The following PRKACB variants were observed in gnomAD, a reference collection of about 807,000 sequenced individuals.
PRKACB encodes the protein cAMP-dependent protein kinase catalytic subunit beta.
A neutral mutation model predicts 51.4 loss-of-function variants in PRKACB; 16 were observed. The observed-to-expected ratio is 0.31, with a 90% confidence interval of 0.21 to 0.47. PRKACB has a LOEUF of 0.47. PRKACB is among the 20% of genes least tolerant of loss of function. PRKACB has a pLI of 1.00. For missense variants in PRKACB, 309 were observed against 464.5 expected, an observed-to-expected ratio of 0.67 and a Z score of 3.08; for synonymous variants, 147 against 154.4, an observed-to-expected ratio of 0.95 and a Z score of 0.35.
intron 1 of PRKACB, among the ~76,000 whole-genome samples, chr1:84,173,795 A>T (rs1057131130): frequency 2.0e-5 from 3 of 151,912 alleles, no homozygotes; most frequent in African/African-American, 7.2e-5. Context: ...ATGAATTATT[A>T]TCTTTTCAGT....
chr1:84,191,575 G>A (rs1666801590), intron 5 of PRKACB, among the ~76,000 whole-genome samples: 1 of 152,068 alleles, frequency 6.6e-6, no homozygotes, highest in Non-Finnish European at 1.5e-5. Context: ...ATTAACACAG[G>A]AACAAAAATC....
At chr1:84,178,439 C>T (rs1435219504) in intron 1 of PRKACB, among the ~76,000 whole-genome samples, 1 of 151,916 alleles carries the variant, frequency 6.6e-6, no homozygotes, top group Admixed American at 6.6e-5. Context: ...AAACTTCAAA[C>T]CATAGCTCTA....
At chr1:84,179,140 T>TTA in intron 1 of PRKACB, 37 bp from the exon 2 acceptor site, 1 of 1,536,362 alleles carries the variant, frequency 6.5e-7, no homozygotes, top group Non-Finnish European at 8.8e-7. Flanking sequence ...ATAAATATTC[T>TTA]TACAAGATAA....
chr1:84,200,588 G>C (rs548766451), intron 7 of PRKACB, among the ~76,000 whole-genome samples: 148 of 152,032 alleles, frequency 9.7e-4, no homozygotes, highest in African/African-American at 3.5e-3. Context: ...CATTGCCTAG[G>C]TTGTCTTTCA....
chr1:84,177,581 AAAGT>A (rs949461572), intron 1 of PRKACB, among the ~76,000 whole-genome samples: 5 of 151,932 alleles, frequency 3.3e-5, no homozygotes, highest in African/African-American at 1.2e-4. Flanking sequence ...ATCTCTACAA[AAAGT>A]AAGAAAATTA....
At chr1:84,186,689 T>C (rs1363920390) in intron 5 of PRKACB, among the ~76,000 whole-genome samples, 1 of 152,180 alleles carries the variant, frequency 6.6e-6, no homozygotes, top group Non-Finnish European at 1.5e-5. Context: ...ATCTTGAAGT[T>C]AGGCTTAATT....
chr1:84,114,493 G>A (rs755717207), intron 1 of PRKACB, among the ~76,000 whole-genome samples: 14 of 151,946 alleles, frequency 9.2e-5, no homozygotes, highest in Non-Finnish European at 1.5e-4. Context: ...AATGTATGGT[G>A]TAACATGAAT....
At chr1:84,176,559 TA>T (rs1218034374) in intron 1 of PRKACB, among the ~76,000 whole-genome samples, 4 of 151,792 alleles carry the variant, frequency 2.6e-5, no homozygotes, top group Non-Finnish European at 5.9e-5. Flanking sequence ...ATCTACATAG[TA>T]CACATAAAAA....
chr1:84,159,380 A>T (rs889284449), intron 1 of PRKACB, among the ~76,000 whole-genome samples: 1 of 152,074 alleles, frequency 6.6e-6, no homozygotes, highest in East Asian at 1.9e-4. Context: ...TTGTGAATGG[A>T]TAAGTCTTAA....
chr1:84,178,449 A>G (rs577423514), intron 1 of PRKACB, among the ~76,000 whole-genome samples: 1 of 152,174 alleles, frequency 6.6e-6, no homozygotes, highest in Non-Finnish European at 1.5e-5. Context: ...CCATAGCTCT[A>G]TAAAATAATG....
intron 1 of PRKACB, among the ~76,000 whole-genome samples, chr1:84,159,015 C>T (rs370589153): frequency 6.2e-4 from 95 of 152,252 alleles, no homozygotes; most frequent in African/African-American, 2.1e-3. Context: ...CATTCCTATA[C>T]TACACTGTCT....
intron 1 of PRKACB, among the ~76,000 whole-genome samples, chr1:84,098,629 A>G (rs1302756083): frequency 6.6e-6 from 1 of 152,124 alleles, no homozygotes; most frequent in Non-Finnish European, 1.5e-5. Flanking sequence ...TGATTGCCAG[A>G]TAACAGTAAA....
At chr1:84,107,012 CA>C (rs931695918) in intron 1 of PRKACB, among the ~76,000 whole-genome samples, 6 of 151,814 alleles carry the variant, frequency 4.0e-5, no homozygotes, top group Non-Finnish European at 7.4e-5. Context: ...AATGAACAAA[CA>C]AAAAAACCAA....
chr1:84,180,195 TATATATATATATATGTATGATGGAG>T (rs1662875563), intron 2 of PRKACB, among the ~76,000 whole-genome samples: 1 of 111,232 alleles, frequency 9.0e-6, no homozygotes, highest in Admixed American at 9.3e-5. Context: ...TATATATATA[TATATATATATATATGTATGATGGAG>T]TACTATGCAG....
chr1:84,126,718 C>T (rs1651649137), intron 1 of PRKACB, among the ~76,000 whole-genome samples: 1 of 152,152 alleles, frequency 6.6e-6, no homozygotes, highest in Non-Finnish European at 1.5e-5. Flanking sequence ...ATATCACTTC[C>T]TCACCCTTCC....
chr1:84,164,950 C>T (rs1656919623), intron 1 of PRKACB: 2 of 1,537,176 alleles, frequency 1.3e-6, no homozygotes, highest in Admixed American at 4.1e-5. Flanking sequence ...AGCATAACTC[C>T]CTTTGCTGTT....
chr1:84,160,956 T>C (rs1200846288), intron 1 of PRKACB, among the ~76,000 whole-genome samples: 2 of 151,998 alleles, frequency 1.3e-5, no homozygotes, highest in Non-Finnish European at 2.9e-5. Flanking sequence ...CTGCTGATGT[T>C]AAATTCTGTA....
chr1:84,171,299 G>A (rs1220619058), intron 1 of PRKACB, among the ~76,000 whole-genome samples: 13 of 151,434 alleles, frequency 8.6e-5, no homozygotes, highest in Non-Finnish European at 1.3e-4. Context: ...TGATAAAGAC[G>A]AGCAAAGATC....
chr1:84,203,615 A>G (rs1054139157), intron 8 of PRKACB, among the ~76,000 whole-genome samples: 2 of 152,090 alleles, frequency 1.3e-5, no homozygotes, highest in African/African-American at 4.8e-5. Flanking sequence ...GAGACCTTCT[A>G]TACATTAATG....
Sources: allele counts gnomAD v4.1 joint callset (sites outside exome capture counted in the v4.1 genomes callset), GRCh38; gene constraint gnomAD v4.1.1; transcripts MANE v1.5; gene names NCBI Gene and HGNC (gene_info 2026-07-23, HGNC 2026-07-21).